Variants in ZNF483 observed in about 807,000 individuals in gnomAD.
ZNF483 encodes the protein zinc finger protein HIT-10.
Under a neutral mutation model 28.6 loss-of-function variants are expected in ZNF483, and 9 were observed. The ratio of observed to expected loss-of-function variants is 0.32; its 90% CI spans 0.19 to 0.55. The LOEUF (loss-of-function observed/expected upper bound fraction) is 0.55. Ranked by LOEUF, ZNF483 falls within the 20% of genes least tolerant of loss-of-function variation. The probability of loss-of-function intolerance (pLI) is 0.93; values close to 1 mark genes in which losing one functional copy is unlikely to be tolerated. For synonymous variants in ZNF483, 322 were observed against 306.2 expected (o/e 1.05, Z -0.54); for missense variants, 675 against 871.7 (o/e 0.77, Z 2.84).
chr9:111,560,966 TATATATATAGAGAGAG>T lies in ZNF483; in HGVS notation c.722-15397_722-15382del, dbSNP rs1284361181. 8.8e-5 allele frequency among the ~76,000 whole-genome samples: 4 copies of T among 45,382 alleles called. 1 individual carries two copies. Among genetic ancestry groups the T allele is most frequent in the Admixed American group, 3.0e-4 (1 of 3,386 alleles). The allele number at this position is 45,382 out of a possible 152,430, so 29.8% of individuals were successfully genotyped here. A position where few individuals can be genotyped will look rare whatever the true frequency, so the allele number is the denominator to read the frequency against. ...TAAAATATATATATATATATATATA[TATATATATAGAGAGAG>T]AGAGAGAGAGAGAGAGAGAGAGAGA... On this transcript the variant is annotated intron_variant, in intron 5 of 5. Transcript: ENST00000358151.
At chr9:111,565,618 G>A (rs1828525944) in intron 5 of ZNF483, among the ~76,000 whole-genome samples, 1 of 152,068 alleles carries the variant, frequency 6.6e-6, no homozygotes, top group Admixed American at 6.5e-5. Flanking sequence ...TGAACTCTTG[G>A]ACTCAGGTGA....
In ZNF483 at chr9:111,534,342, G is replaced by C. The variant is rs751681680; in HGVS notation, c.710G>C (p.Ser237Thr). ...TGGCTGCTGGAAGAAGTCTCAAAAA[G>C]CTCCCGACTAGGTGAGTTGGTGAAA... is the stretch of plus-strand genomic sequence containing the variant. ...LPWLLEEVSK[S>T]SRLDESALDK... Residue 237 changes from serine to threonine, a missense_variant, in exon 5 of 6, where the codon AGC (serine) becomes ACC (threonine). Physicochemically the swap from Ser to Thr is moderately conservative, Grantham distance 58. Around this residue, in one of 6 missense-constraint regions of ZNF483, gnomAD observed 525 missense variants for 581.8 expected, o/e 0.90. Coordinates refer to ENST00000309235, the MANE Select transcript of ZNF483 (RefSeq NM_133464.5). 2.5e-6 allele frequency: 4 copies of C among 1,614,062 alleles called. No homozygotes were observed. Among genetic ancestry groups the C allele is most frequent in the Non-Finnish European group, 3.4e-6 (4 of 1,179,956 alleles).
chr9:111,534,642 G>T (rs1234538082), intron 5 of ZNF483, among the ~76,000 whole-genome samples: 1 of 151,680 alleles, frequency 6.6e-6, no homozygotes, highest in African/African-American at 2.4e-5. Context: ...CATAATGCTG[G>T]TCTAACCCCT....
At position 111,571,439 on chromosome 9, in the gene ZNF483, GAAT is replaced by G. The variant is rs1828816090; in HGVS notation, c.722-4923_722-4921del. 1.3e-5 allele frequency among the ~76,000 whole-genome samples: 2 copies of G among 149,298 alleles called. 1 individual carries two copies. Among genetic ancestry groups the G allele is most frequent in the Non-Finnish European group, 3.0e-5 (2 of 67,280 alleles). On this transcript the variant is annotated intron_variant, in intron 5 of 5. Transcript: ENST00000358151. ...GAAAAAAAGAAGTAAACAAACAAAAGAATAAACATGTGGGTGTTTTTGTGTCTG... is the reference window on the plus strand; with the variant it reads ...GAAAAAAAGAAGTAAACAAACAAAAGAAACATGTGGGTGTTTTTGTGTCTG...
intron 5 of ZNF483, among the ~76,000 whole-genome samples, chr9:111,538,603 A>G (rs954185876): frequency 1.2e-4 from 18 of 152,198 alleles, no homozygotes; most frequent in African/African-American, 3.6e-4. Context: ...ATCATATTTA[A>G]GTAGCATTTT....
intron 5 of ZNF483, chr9:111,574,368 G>A (rs1034296075): frequency 6.5e-6 from 1 of 154,238 alleles, no homozygotes; most frequent in Non-Finnish European, 1.4e-5. Context: ...TTATTATTTT[G>A]AGACAGGCTG....
intron 5 of ZNF483, among the ~76,000 whole-genome samples, chr9:111,537,243 A>T (rs1353616992): frequency 6.7e-6 from 1 of 150,364 alleles, no homozygotes; most frequent in African/African-American, 2.5e-5. Flanking sequence ...TTTTTTGGAG[A>T]CAGAGTCTCA....
rs1357213897 is a variant in ZNF483 at position 111,549,999 on chromosome 9, G to T, written c.*6829G>T. On this transcript the variant is annotated 3_prime_UTR_variant, in exon 6 of 6. Coordinates refer to ENST00000309235, the MANE Select transcript of ZNF483 (RefSeq NM_133464.5). ...CAGCTAGACATTTGAATTTTATAATGTGGCAACTCTGGAAATAAGATTATT... is the reference window on the plus strand; with the variant it reads ...CAGCTAGACATTTGAATTTTATAATTTGGCAACTCTGGAAATAAGATTATT... Among the ~76,000 whole-genome samples, 2 of 152,130 alleles carry T rather than the reference G, an allele frequency of 1.3e-5. No individual in the cohort carries two copies. The highest frequency in any genetic ancestry group is 2.9e-5 in the Non-Finnish European group (2 of 68,022).
In ZNF483 at chr9:111,541,998, G is replaced by A. The variant is rs1192613215; in HGVS notation, c.1063G>A (p.Gly355Arg). 3.4e-5 allele frequency: 55 copies of A among 1,614,006 alleles called. No individual in the cohort carries two copies. Among genetic ancestry groups the A allele is most frequent in the East Asian group, 6.7e-5 (3 of 44,878 alleles). ...LVLNRKEKTA[G>R]EKSRKSNDGG... ...TCTGAACCGCAAGGAGAAAACCGCC[G>A]GAGAAAAGTCACGGAAATCTAATGA... is the stretch of plus-strand genomic sequence containing the variant. Residue 355 changes from glycine to arginine, a missense_variant, in exon 6 of 6, where the codon GGA becomes AGA. Gly to Arg is a moderately radical substitution (Grantham distance 125, BLOSUM62 -2). Around this residue, in one of 6 missense-constraint regions of ZNF483, gnomAD observed 525 missense variants for 581.8 expected, o/e 0.90. Coordinates refer to ENST00000309235, the MANE Select transcript of ZNF483 (RefSeq NM_133464.5).
At position 111,548,507 on chromosome 9, in the gene ZNF483, T is replaced by A. The variant is rs2132272396; in HGVS notation, c.*5337T>A. Among the ~76,000 whole-genome samples, 1 of 152,336 alleles carries A rather than the reference T, an allele frequency of 6.6e-6. No homozygotes were observed. Among genetic ancestry groups the A allele is most frequent in the Non-Finnish European group, 1.5e-5 (1 of 68,026 alleles). ...TTGTTTATTAGTCATAATAGTTTCTTGTGAAATTTTTGGGATTTTTAAATA... is the reference window on the plus strand; with the variant it reads ...TTGTTTATTAGTCATAATAGTTTCTAGTGAAATTTTTGGGATTTTTAAATA... On this transcript the variant is annotated 3_prime_UTR_variant, in exon 6 of 6. Coordinates refer to ENST00000309235, the MANE Select transcript of ZNF483 (RefSeq NM_133464.5).
chr9:111,545,204 A>T lies in ZNF483; in HGVS notation c.*2034A>T, dbSNP rs960838977. 6.6e-6 allele frequency among the ~76,000 whole-genome samples: 1 copy of T among 152,246 alleles called. No homozygotes were observed. Among genetic ancestry groups the T allele is most frequent in the African/African-American group, 2.4e-5 (1 of 41,466 alleles). The stretch of plus-strand genomic sequence containing the variant: ...GGAATGTTTATTATGAGAATCATTC[A>T]TAATGGTTTTAAGTTTTTTTCTGAA... On this transcript the variant is annotated 3_prime_UTR_variant, in exon 6 of 6. Transcript: ENST00000309235.
chr9:111,527,402 G>A lies in ZNF483; in HGVS notation c.7G>A (p.Ala3Thr). 1 of 1,612,934 alleles carries A rather than the reference G, an allele frequency of 6.2e-7. No individual in the cohort carries two copies. Among genetic ancestry groups the A allele is most frequent in the Non-Finnish European group, 8.5e-7 (1 of 1,179,674 alleles). The change falls in exon 2 of 6, where the codon GCT (alanine) becomes ACT (threonine). Residue 3 changes from alanine (A) to threonine (T), a missense_variant. By Grantham distance (58) the Ala-to-Thr change is moderately conservative. Around this residue, in one of 6 missense-constraint regions of ZNF483, gnomAD observed 525 missense variants for 581.8 expected, o/e 0.90. Transcript: ENST00000309235. ...TTCCTGCCCCTGAGACACAATGCAAGCTGTAGTGCCCTTGAACAAGATGAC... is the reference window on the plus strand; with the variant it reads ...TTCCTGCCCCTGAGACACAATGCAAACTGTAGTGCCCTTGAACAAGATGAC... MQ[A>T]VVPLNKMTAI...
In ZNF483 at chr9:111,551,588, G is replaced by T. The variant is rs984089707; in HGVS notation, c.*8418G>T. 1.3e-5 allele frequency among the ~76,000 whole-genome samples: 2 copies of T among 151,660 alleles called. No individual in the cohort carries two copies. The highest frequency in any genetic ancestry group is 4.8e-5 in the African/African-American group (2 of 41,310). On this transcript the variant is annotated 3_prime_UTR_variant, in exon 6 of 6. Transcript: ENST00000309235. ...ACGCCTGGCTAATTATTTTAGTAGA[G>T]GCGGGGTTTCACTGTGTTGCCCAGG... is the stretch of plus-strand genomic sequence containing the variant.
At chr9:111,540,065 G>A (rs186797751) in intron 5 of ZNF483, among the ~76,000 whole-genome samples, 444 of 152,238 alleles carry the variant, frequency 2.9e-3, no homozygotes, top group African/African-American at 9.0e-3. Flanking sequence ...TGGGGAGGTT[G>A]AGGCTGCAGT....
chr9:111,533,240 A>T (rs1210545894), intron 3 of ZNF483, among the ~76,000 whole-genome samples: 2 of 152,240 alleles, frequency 1.3e-5, no homozygotes, highest in Admixed American at 6.5e-5. Flanking sequence ...ATTCTTGTAC[A>T]GTATTTAACA....
At chr9:111,567,940 CTTACT>C (rs1828640038) in intron 5 of ZNF483, among the ~76,000 whole-genome samples, 1 of 152,188 alleles carries the variant, frequency 6.6e-6, no homozygotes, top group African/African-American at 2.4e-5. Context: ...TTACGCCTGT[CTTACT>C]TTAATCTCTT....
chr9:111,575,285 G>C (rs1829010694), intron 5 of ZNF483: 1 of 152,440 alleles, frequency 6.6e-6, no homozygotes, highest in Non-Finnish European at 1.5e-5. Flanking sequence ...CTGGGCAAGA[G>C]AGCAAGACTC....
Position 111,568,057 on chromosome 9 carries a change from T to C in ZNF483, c.722-8308T>C, listed in dbSNP as rs529395292. ...GATTGTAAAACATGTATTTGAACAA[T>C]ATGAAATCAGTGCATCTTGAAAAAG... is the stretch of plus-strand genomic sequence containing the variant. On this transcript the variant is annotated intron_variant, in intron 5 of 5. Coordinates refer to the ZNF483 transcript ENST00000358151. Among the ~76,000 whole-genome samples the C allele has an allele frequency of 2.6e-5, 4 of 152,336 alleles. No homozygotes were observed. In the South Asian group the frequency reaches 8.3e-4, roughly 32 times the overall value.
intron 3 of ZNF483, among the ~76,000 whole-genome samples, chr9:111,532,857 C>T (rs545697811): frequency 2.7e-5 from 4 of 150,252 alleles, no homozygotes; most frequent in South Asian, 2.1e-4. Flanking sequence ...TGCAGTGAGC[C>T]GAGATCATGC....
Sources: gnomAD v4.1 joint callset for allele counts (sites outside exome capture counted in the v4.1 genomes callset) on GRCh38, gnomAD v4.1.1 for gene constraint, gnomAD v4.1.1 regional missense constraint, MANE v1.5 for transcripts, NCBI Gene and HGNC (gene_info 2026-07-23, HGNC 2026-07-21) for gene names.